The following PPIP5K2 variants were observed in gnomAD, a reference collection of about 807,000 sequenced individuals.
The protein encoded by PPIP5K2 is diphosphoinositol pentakisphosphate kinase 2, also known as inositol hexakisphosphate and diphosphoinositol-pentakisphosphate kinase 2.
PPIP5K2 carries 105 observed loss-of-function variants against 154.6 expected under a neutral mutation model. That is an observed-to-expected ratio of 0.68 (90% CI 0.58 to 0.80). The LOEUF (loss-of-function observed/expected upper bound fraction) is 0.80, where lower values mean the gene tolerates loss of function less well. Ranked by LOEUF, PPIP5K2 falls within the 30% of genes least tolerant of loss-of-function variation. The probability of loss-of-function intolerance (pLI) is 0.00; values close to 1 mark genes in which losing one functional copy is unlikely to be tolerated. For synonymous variants in PPIP5K2, 480 were observed against 490.3 expected (o/e 0.98, Z 0.28); for missense variants, 992 against 1,504.6 (o/e 0.66, Z 5.64).
At chr5:103,196,701 T>C (rs558515425) in intron 30 of PPIP5K2, among the ~76,000 whole-genome samples, 1 of 152,296 alleles carries the variant, frequency 6.6e-6, no homozygotes, top group Non-Finnish European at 1.5e-5. Context: ...CATTAGTTCA[T>C]ATACATTTTT....
At chr5:103,144,339 G>A (rs1793374261) in intron 5 of PPIP5K2, among the ~76,000 whole-genome samples, 1 of 152,072 alleles carries the variant, frequency 6.6e-6, no homozygotes, top group Non-Finnish European at 1.5e-5. Flanking sequence ...AATCAGTATT[G>A]TTAAAATTGC....
chr5:103,158,509 A>C lies in PPIP5K2; in HGVS notation c.1673A>C (p.His558Pro), dbSNP rs139296645. Residue 558 changes from histidine (H) to proline (P), a missense_variant, in exon 16 of 31, where the codon CAT becomes CCT. Transcript: ENST00000358359. The stretch of plus-strand genomic sequence containing the variant: ...CTTAGATTACATAGCACCTACAGAC[A>C]TGACCTCAAAATATATGCCTCTGAT... ...GLLRLHSTYR[H>P]DLKIYASDEG... 6.2e-7 allele frequency: 1 copy of C among 1,613,098 alleles called. No individual in the cohort carries two copies. The highest frequency in any genetic ancestry group is 1.3e-5 in the African/African-American group (1 of 74,872).
chr5:103,156,421 G>T (rs1795429709), intron 14 of PPIP5K2, among the ~76,000 whole-genome samples: 1 of 152,120 alleles, frequency 6.6e-6, no homozygotes, highest in South Asian at 2.1e-4. Context: ...CTTCCACCCA[G>T]TAAACCAGAG....
chr5:103,130,186 A>G (rs1222092111), intron 2 of PPIP5K2, among the ~76,000 whole-genome samples: 2 of 152,144 alleles, frequency 1.3e-5, no homozygotes, highest in African/African-American at 4.8e-5. Flanking sequence ...CTAGAAGGGT[A>G]GGCTACCTAA....
Position 103,147,828 on chromosome 5 carries a change from G to A in PPIP5K2, c.643-103G>A, listed in dbSNP as rs1178264874. ...TGGATTAAAAAATGTATTTGAAAAT[G>A]TCTAAGATGGAAATAGATGGTAAAT... On this transcript the variant is annotated intron_variant, in intron 6 of 30. Transcript: ENST00000358359. 4.3e-6 allele frequency: 3 copies of A among 702,658 alleles called. No individual in the cohort carries two copies. In the East Asian group the frequency reaches 8.1e-5, roughly 19 times the overall value. 43.5% of individuals were successfully genotyped at this position (702,658 alleles called of 1,614,324 possible).
At chr5:103,194,146 A>G (rs541211143) in intron 29 of PPIP5K2, among the ~76,000 whole-genome samples, 36 of 152,088 alleles carry the variant, frequency 2.4e-4, no homozygotes, top group African/African-American at 8.4e-4. Flanking sequence ...TTTAAGACAA[A>G]AACAGTTTGA....
In PPIP5K2 at chr5:103,161,453, A is replaced by G. The variant is rs575870858; in HGVS notation, c.1920+2125A>G. ...ATGTGTCTTTACAGCAGCATGATTT[A>G]TAATCCTTTGGGTATATACCCAGTA... is the stretch of plus-strand genomic sequence containing the variant. On this transcript the variant is annotated intron_variant, in intron 17 of 30. Coordinates refer to ENST00000358359, the MANE Select transcript of PPIP5K2 (RefSeq NM_001276277.3). 2.6e-5 allele frequency among the ~76,000 whole-genome samples: 4 copies of G among 152,310 alleles called. No individual in the cohort carries two copies. The South Asian group carries it at 6.2e-4, about 24-fold the overall frequency.
intron 6 of PPIP5K2, among the ~76,000 whole-genome samples, chr5:103,147,520 C>G (rs2149542267): frequency 6.6e-6 from 1 of 151,996 alleles, no homozygotes; most frequent in East Asian, 1.9e-4. Context: ...GCCGTTGGGA[C>G]ACATAAGAAT....
At chr5:103,148,096 T>A in intron 7 of PPIP5K2, 64 bp downstream of exon 7, 1 of 1,155,546 alleles carries the variant, frequency 8.7e-7, no homozygotes, top group Non-Finnish European at 1.3e-6. Context: ...TCAGAAAAAG[T>A]AGTTAATCTT....
intron 5 of PPIP5K2, among the ~76,000 whole-genome samples, chr5:103,143,421 A>G (rs1450647533): frequency 6.6e-6 from 1 of 152,178 alleles, no homozygotes; most frequent in Non-Finnish European, 1.5e-5. Flanking sequence ...TCCTTGGCTC[A>G]TGTGATCCTC....
At chr5:103,189,069 T>G (rs1334818108) in intron 28 of PPIP5K2, 1 of 852,878 alleles carries the variant, frequency 1.2e-6, no homozygotes, top group Non-Finnish European at 1.8e-6. Flanking sequence ...TTAACACATA[T>G]CATGGACTTA....
chr5:103,126,750 T>TTG (rs1789749794), intron 1 of PPIP5K2, among the ~76,000 whole-genome samples: 1 of 151,346 alleles, frequency 6.6e-6, no homozygotes. Context: ...TTCACGTTTT[T>TTG]TTTTTTTTTT....
In PPIP5K2 at chr5:103,133,614, T is replaced by C; in HGVS notation, c.276T>C (p.Pro92=). The change falls in exon 3 of 31, where the codon CCT becomes CCC. Residue 92 remains proline (P), a synonymous_variant. Transcript: ENST00000358359. ...VILNEPVENW[P]LCDCLISFHS... ...TGAATGAACCAGTGGAAAACTGGCC[T>C]TTATGTGATTGTCTTATTTCTTTCC... 1 of 1,609,432 alleles carries C rather than the reference T, an allele frequency of 6.2e-7. No individual in the cohort carries two copies. The highest frequency in any genetic ancestry group is 2.2e-5 in the East Asian group (1 of 44,656).
chr5:103,182,104 T>G (rs781848828), intron 24 of PPIP5K2, among the ~76,000 whole-genome samples: 61 of 152,168 alleles, frequency 4.0e-4, no homozygotes, highest in Non-Finnish European at 7.1e-4. Flanking sequence ...TTAATTAATA[T>G]AACCTACACT....
At chr5:103,138,170 TG>T (rs1791893133) in intron 4 of PPIP5K2, among the ~76,000 whole-genome samples, 1 of 152,200 alleles carries the variant, frequency 6.6e-6, no homozygotes, top group South Asian at 2.1e-4. Context: ...AAAAGAATTG[TG>T]CATAAATTTG....
At chr5:103,129,923 G>C (rs568954950) in intron 2 of PPIP5K2, among the ~76,000 whole-genome samples, 1 of 152,122 alleles carries the variant, frequency 6.6e-6, no homozygotes, top group Non-Finnish European at 1.5e-5. Context: ...TCAGTGATAC[G>C]CATAGTGTAA....
intron 30 of PPIP5K2, 122 bp downstream of exon 30, chr5:103,195,147 C>A: frequency 8.1e-7 from 1 of 1,230,416 alleles, no homozygotes; most frequent in Non-Finnish European, 1.1e-6. Flanking sequence ...GCGTAATGAT[C>A]CTAAGGGTTA....
At chr5:103,171,053 G>A (rs1474252300) in intron 19 of PPIP5K2, among the ~76,000 whole-genome samples, 3 of 151,426 alleles carry the variant, frequency 2.0e-5, no homozygotes, top group Non-Finnish European at 4.4e-5. Flanking sequence ...TACATTGATT[G>A]ATTAATTTTT....
chr5:103,170,043 A>G (rs1200363701), intron 19 of PPIP5K2, among the ~76,000 whole-genome samples: 1 of 151,518 alleles, frequency 6.6e-6, no homozygotes, highest in Admixed American at 6.6e-5. Context: ...TGTTTCCATT[A>G]TATATACTAA....
Sources: allele counts gnomAD v4.1 joint callset (sites outside exome capture counted in the v4.1 genomes callset), GRCh38; gene constraint gnomAD v4.1.1; transcripts MANE v1.5; gene names NCBI Gene and HGNC (gene_info 2026-07-23, HGNC 2026-07-21).